Variants in SLC9A2 observed in about 807,000 individuals in gnomAD.
SLC9A2 encodes the protein sodium/hydrogen exchanger 2.
SLC9A2 carries 42 observed loss-of-function variants against 71.7 expected under a neutral mutation model. That is an observed-to-expected ratio of 0.59 (90% CI 0.46 to 0.76). The LOEUF (loss-of-function observed/expected upper bound fraction) is 0.76, where lower values mean the gene tolerates loss of function less well. Among genes scored for constraint, SLC9A2 ranks in the 30% least tolerant of loss-of-function variants. The pLI, the probability that SLC9A2 is intolerant of heterozygous loss-of-function variation, is 0.00. For synonymous variants in SLC9A2, 396 were observed against 392.5 expected (o/e 1.01, Z -0.10); for missense variants, 829 against 1,017.4 (o/e 0.81, Z 2.52).
At chr2:102,627,130 TAACAACAAC>T (rs112963978) in intron 1 of SLC9A2, among the ~76,000 whole-genome samples, 2 of 124,138 alleles carry the variant, frequency 1.6e-5, no homozygotes, top group South Asian at 5.4e-4. Flanking sequence ...TTCAAAATGT[TAACAACAAC>T]AACAACAACA....
chr2:102,695,123 T>C lies in SLC9A2; in HGVS notation c.1586+10T>C, dbSNP rs1558722990. 1 of 1,605,824 alleles carries C rather than the reference T, an allele frequency of 6.2e-7. No homozygotes were observed. Among genetic ancestry groups the C allele is most frequent in the East Asian group, 2.2e-5 (1 of 44,794 alleles). ...ACTTTTGGAGAGACAAGTAAGAAGG[T>C]CTTATGCCATTGGGTTATGAAGTGG... On this transcript the variant is annotated intron_variant, in intron 7 of 11. Coordinates refer to ENST00000233969, the MANE Select transcript of SLC9A2 (RefSeq NM_003048.6).
chr2:102,639,133 A>T (rs953317767), intron 1 of SLC9A2, among the ~76,000 whole-genome samples: 74 of 152,346 alleles, frequency 4.9e-4, no homozygotes, highest in African/African-American at 1.7e-3. Flanking sequence ...GCAGTGAGTT[A>T]TGATTGCACT....
intron 1 of SLC9A2, among the ~76,000 whole-genome samples, chr2:102,641,123 G>A (rs551790100): frequency 2.0e-5 from 3 of 152,196 alleles, no homozygotes; most frequent in African/African-American, 4.8e-5. Context: ...TAAAACTTGC[G>A]CCAGCCCTGT....
At chr2:102,694,563 A>G in intron 6 of SLC9A2, 60 bp downstream of exon 6, 1 of 800,798 alleles carries the variant, frequency 1.2e-6, no homozygotes, top group East Asian at 2.8e-5. Context: ...GAATCAGTCA[A>G]ACAGCTTGGT....
At chr2:102,700,675 G>A (rs1677855027) in intron 7 of SLC9A2, among the ~76,000 whole-genome samples, 1 of 152,140 alleles carries the variant, frequency 6.6e-6, no homozygotes, top group Non-Finnish European at 1.5e-5. Flanking sequence ...TAACGTTTCT[G>A]AGCAATTTCG....
chr2:102,653,396 T>G (rs1402787976), intron 1 of SLC9A2, among the ~76,000 whole-genome samples: 1 of 152,240 alleles, frequency 6.6e-6, no homozygotes. Flanking sequence ...CCCTGGATTT[T>G]CCTCTGCCTC....
At position 102,665,092 on chromosome 2, in the gene SLC9A2, TCCTGC is replaced by T; in HGVS notation, c.754-7_754-3del. On this transcript the variant is annotated splice_region_variant and splice_polypyrimidine_tract_variant and intron_variant, in intron 2 of 11. Coordinates refer to ENST00000233969, the MANE Select transcript of SLC9A2 (RefSeq NM_003048.6). ...GGTCTTGACAAGGTGTTTTTTTTTTTCCTGCAGGTCCTGTACAACTTGTTCAAGTC... is the reference window on the plus strand; with the variant it reads ...GGTCTTGACAAGGTGTTTTTTTTTTTAGGTCCTGTACAACTTGTTCAAGTC... 1.3e-6 allele frequency: 2 copies of T among 1,599,760 alleles called. No homozygotes were observed. Among genetic ancestry groups the T allele is most frequent in the Admixed American group, 1.8e-5 (1 of 56,796 alleles).
chr2:102,707,837 G>A (rs1678010634), intron 11 of SLC9A2, among the ~76,000 whole-genome samples: 1 of 152,196 alleles, frequency 6.6e-6, no homozygotes, highest in South Asian at 2.1e-4. Context: ...AGGTGATTGT[G>A]AAGACAAAAT....
In SLC9A2 at chr2:102,706,903, A is replaced by T. The variant is rs544076397; in HGVS notation, c.2068+967A>T. Among the ~76,000 whole-genome samples, 5 of 152,380 alleles carry T rather than the reference A, an allele frequency of 3.3e-5. No individual in the cohort carries two copies. In the South Asian group the frequency reaches 1.0e-3, roughly 32 times the overall value. ...TAATGTGATGGTTATCTTTATGTAG[A>T]CACCGAAGCCATTGTCTGTGAACCC... On this transcript the variant is annotated intron_variant, in intron 11 of 11. Coordinates refer to ENST00000233969, the MANE Select transcript of SLC9A2 (RefSeq NM_003048.6).
At chr2:102,644,961 T>C (rs371095524) in intron 1 of SLC9A2, among the ~76,000 whole-genome samples, 1 of 152,186 alleles carries the variant, frequency 6.6e-6, no homozygotes, top group East Asian at 1.9e-4. Flanking sequence ...AGGGACAGAC[T>C]GCCTCCTCAA....
chr2:102,640,498 G>C (rs151049488), intron 1 of SLC9A2, among the ~76,000 whole-genome samples: 2 of 152,192 alleles, frequency 1.3e-5, no homozygotes, highest in African/African-American at 2.4e-5. Context: ...TCGATCATTT[G>C]CTATAATAGC....
At chr2:102,623,282 A>G (rs148824799) in intron 1 of SLC9A2, among the ~76,000 whole-genome samples, 54 of 152,204 alleles carry the variant, frequency 3.5e-4, no homozygotes, top group African/African-American at 1.2e-3. Context: ...TGAACAGCCA[A>G]ATGGAGACTG....
rs1399988054 is a variant in SLC9A2, at chr2:102,706,339, A to G, written c.2068+403A>G. ...AGACTCCGTCTCAAAAAAAAAAAAA[A>G]AAAAAAAAGAAAAAAAAAAAAAGAA... On this transcript the variant is annotated intron_variant, in intron 11 of 11. Coordinates refer to ENST00000233969, the MANE Select transcript of SLC9A2 (RefSeq NM_003048.6). Among the ~76,000 whole-genome samples, 2 of 14,500 alleles carry G rather than the reference A, an allele frequency of 1.4e-4. 1 individual carries two copies. 9.5% of individuals were successfully genotyped at this position (14,500 alleles called of 152,430 possible).
chr2:102,648,996 A>G (rs746984399), intron 1 of SLC9A2, among the ~76,000 whole-genome samples: 19 of 152,208 alleles, frequency 1.2e-4, no homozygotes, highest in Non-Finnish European at 2.2e-4. Flanking sequence ...TAAATTTCAT[A>G]TGGAAACAAA....
Position 102,657,670 on chromosome 2 carries a change from T to C in SLC9A2, c.396T>C (p.Ser132=). ...TTATTTTTGGTGTTGATGAGAAGTC[T>C]CCCCCTGCAATGAAGACTGATGTAT... ...GGIIFGVDEK[S]PPAMKTDVFF... is the part of the protein sequence containing the mutation. Residue 132 remains serine, a synonymous_variant, in exon 2 of 12, where the codon TCT becomes TCC. Transcript: ENST00000233969. 1.2e-6 allele frequency: 2 copies of C among 1,613,940 alleles called. No individual in the cohort carries two copies. The highest frequency in any genetic ancestry group is 1.7e-6 in the Non-Finnish European group (2 of 1,179,882).
intron 3 of SLC9A2, among the ~76,000 whole-genome samples, chr2:102,672,378 A>G (rs539989365): frequency 2.0e-3 from 308 of 152,242 alleles, no homozygotes; most frequent in Non-Finnish European, 3.2e-3. Flanking sequence ...TGTAGTGCTC[A>G]CCACTAGTGT....
At chr2:102,663,884 C>T (rs757753606) in intron 2 of SLC9A2, among the ~76,000 whole-genome samples, 4 of 152,148 alleles carry the variant, frequency 2.6e-5, no homozygotes, top group South Asian at 2.1e-4. Context: ...CATTTCAGTT[C>T]GCTGAGTGGC....
chr2:102,674,200 TG>T (rs1490082616), intron 3 of SLC9A2, among the ~76,000 whole-genome samples: 1 of 152,176 alleles, frequency 6.6e-6, no homozygotes, highest in African/African-American at 2.4e-5. Context: ...ATTAAGTCAG[TG>T]TTTCAGCCCC....
intron 1 of SLC9A2, among the ~76,000 whole-genome samples, chr2:102,648,321 G>A (rs951259435): frequency 6.6e-6 from 1 of 151,958 alleles, no homozygotes; most frequent in Non-Finnish European, 1.5e-5. Context: ...CTCAATAAAC[G>A]AGGTATTGAT....
Sources: gnomAD v4.1 joint callset for allele counts (sites outside exome capture counted in the v4.1 genomes callset) on GRCh38, gnomAD v4.1.1 for gene constraint, MANE v1.5 for transcripts, NCBI Gene and HGNC (gene_info 2026-07-23, HGNC 2026-07-21) for gene names.